FAM76B: variants seen among roughly 807,000 people sequenced by gnomAD.
FAM76B encodes the protein family with sequence similarity 76 member B.
A neutral mutation model predicts 51.8 loss-of-function variants in FAM76B; 16 were observed. The observed-to-expected ratio is 0.31, with a 90% CI of 0.21 to 0.47. The LOEUF (loss-of-function observed/expected upper bound fraction) is 0.47, where lower values mean the gene tolerates loss of function less well. Among genes scored for constraint, FAM76B ranks in the 20% least tolerant of loss-of-function variants. FAM76B has a pLI of 1.00. For synonymous variants in FAM76B, 166 were observed against 129.5 expected, an observed-to-expected ratio of 1.28 and a Z score of -1.91; for missense variants, 342 against 392.6, an observed-to-expected ratio of 0.87 and a Z score of 1.09.
intron 3 of FAM76B, among the ~76,000 whole-genome samples, chr11:95,787,117 T>C (rs1860636561): frequency 6.6e-6 from 1 of 152,236 alleles, no homozygotes; most frequent in African/African-American, 2.4e-5. Flanking sequence ...CTGGATTCAA[T>C]ACATGTAAAA....
intron 8 of FAM76B, 121 bp from the exon 9 acceptor site, chr11:95,776,144 T>G: frequency 2.1e-6 from 1 of 472,932 alleles, no homozygotes; most frequent in Non-Finnish European, 3.6e-6. Context: ...TAACTGCAGT[T>G]TCCTGAATTG....
At chr11:95,781,552 C>G (rs1205835561) in intron 5 of FAM76B, among the ~76,000 whole-genome samples, 1 of 152,056 alleles carries the variant, frequency 6.6e-6, no homozygotes, top group Non-Finnish European at 1.5e-5. Flanking sequence ...CAAACATAAT[C>G]TGATTGTGTC....
intron 1 of FAM76B, chr11:95,789,086 G>A: frequency 1.4e-6 from 2 of 1,411,686 alleles, no homozygotes; most frequent in African/African-American, 2.9e-5. Flanking sequence ...TCCACCCCTG[G>A]GTCTCTGCGG....
rs968828685 is a variant in FAM76B, at chr11:95,789,733, G to A, written c.-255C>T. The A allele has an allele frequency of 1.9e-5, 9 of 475,620 alleles. No individual in the cohort carries two copies. Among genetic ancestry groups the A allele is most frequent in the African/African-American group, 1.0e-4 (5 of 48,218 alleles). 29.5% of individuals were successfully genotyped at this position (475,620 alleles called of 1,614,324 possible). A position where few individuals can be genotyped will look rare whatever the true frequency, so the allele number is the denominator to read the frequency against. On this transcript the variant is annotated 5_prime_UTR_variant, in exon 1 of 10. Coordinates refer to ENST00000358780, the MANE Select transcript of FAM76B (RefSeq NM_144664.5). ...CGCTTAGGCCCCGATAGCGGCGGAG[G>A]GAGACGAAGCGGGTAGGGGGTTGCT...
chr11:95,786,260 C>T lies in FAM76B; in HGVS notation c.222G>A (p.Gln74=), dbSNP rs780162796. Residue 74 remains glutamine (Q), a synonymous_variant, in exon 4 of 10, where the codon CAG becomes CAA. Coordinates refer to ENST00000358780, the MANE Select transcript of FAM76B (RefSeq NM_144664.5). The stretch of plus-strand genomic sequence containing the variant: ...TAAATGCTGCAATTATGTTACAGTA[C>T]TGACAAGGCTTGGGCTGAAAAACAT... ...VKQFGTPKPC[Q]YCNIIAAFIG... is the part of the protein sequence containing the mutation. 3 of 1,613,612 alleles carry T rather than the reference C, an allele frequency of 1.9e-6. No homozygotes were observed. The highest frequency in any genetic ancestry group is 2.5e-6 in the Non-Finnish European group (3 of 1,179,900).
chr11:95,788,683 A>C (rs1004264658), intron 1 of FAM76B, 120 bp from the exon 2 acceptor site: 4 of 1,221,706 alleles, frequency 3.3e-6, no homozygotes, highest in Non-Finnish European at 4.5e-6. Context: ...CCTGGCCCCA[A>C]CGTAAAGAAC....
At chr11:95,782,749 C>A (rs1860342320) in intron 5 of FAM76B, among the ~76,000 whole-genome samples, 1 of 151,796 alleles carries the variant, frequency 6.6e-6, no homozygotes, top group Non-Finnish European at 1.5e-5. Context: ...ATTATTTAAA[C>A]AAAAAAAGAA....
chr11:95,776,056 T>TTTTTTC, intron 8 of FAM76B, 33 bp from the exon 9 acceptor site: 2 of 1,251,264 alleles, frequency 1.6e-6, no homozygotes, highest in Non-Finnish European at 2.2e-6. Flanking sequence ...TATGTATATA[T>TTTTTTC]TTGCACACAT....
intron 8 of FAM76B, among the ~76,000 whole-genome samples, chr11:95,776,857 T>TA (rs1258160686): frequency 1.3e-5 from 2 of 151,380 alleles, no homozygotes; most frequent in African/African-American, 4.8e-5. Flanking sequence ...CCTTTGTAAT[T>TA]ACCCAGTATC....
At position 95,769,020 on chromosome 11, in the gene FAM76B, T is replaced by A. The variant is rs1380767085; in HGVS notation, c.*2541A>T. The A allele has an allele frequency of 6.6e-6, 1 of 152,440 alleles. No homozygotes were observed. Among genetic ancestry groups the A allele is most frequent in the Non-Finnish European group, 1.5e-5 (1 of 67,914 alleles). 9.4% of individuals were successfully genotyped at this position (152,440 alleles called of 1,614,324 possible). A position where few individuals can be genotyped will look rare whatever the true frequency, so the allele number is the denominator to read the frequency against. On this transcript the variant is annotated 3_prime_UTR_variant, in exon 10 of 10. Coordinates refer to ENST00000358780, the MANE Select transcript of FAM76B (RefSeq NM_144664.5). The stretch of plus-strand genomic sequence containing the variant: ...AAAGTACAAAATGTCAACAGTCAGA[T>A]GTGTACAAGTACAGTATTTCAATAG...
intron 5 of FAM76B, among the ~76,000 whole-genome samples, chr11:95,781,463 T>C (rs1468748394): frequency 6.6e-6 from 1 of 152,178 alleles, no homozygotes; most frequent in Non-Finnish European, 1.5e-5. Flanking sequence ...TCATTTTCAA[T>C]ACTGTTCTCT....
At chr11:95,788,356 G>GTA (rs1860720110) in intron 2 of FAM76B, 143 bp downstream of exon 2, 1 of 669,342 alleles carries the variant, frequency 1.5e-6, no homozygotes. Flanking sequence ...CTCCCACCAT[G>GTA]TATAAAAGGT....
rs1426976471 is a variant in FAM76B at position 95,783,228 on chromosome 11, A to G, written c.400T>C (p.Ser134Pro). ...GKLLCWLCTL[S>P]YKRVLQKTKE... The stretch of plus-strand genomic sequence containing the variant: ...GTCTTCTGTAAAACTCTTTTGTACG[A>G]TAAAGTACAGAGCCAGCATAATAAC... The change falls in exon 5 of 10, where the codon TCG becomes CCG. Residue 134 changes from serine to proline, a missense_variant. Physicochemically the swap from Ser to Pro is moderately conservative, Grantham distance 74 (BLOSUM62 -1). Coordinates refer to ENST00000358780, the MANE Select transcript of FAM76B (RefSeq NM_144664.5). The G allele has an allele frequency of 6.2e-7, 1 of 1,613,436 alleles. No individual in the cohort carries two copies. The highest frequency in any genetic ancestry group is 2.2e-5 in the East Asian group (1 of 44,874).
intron 8 of FAM76B, among the ~76,000 whole-genome samples, chr11:95,777,754 T>C (rs916374709): frequency 1.3e-5 from 2 of 151,394 alleles, no homozygotes; most frequent in Non-Finnish European, 3.0e-5. Flanking sequence ...GTATCAAAAA[T>C]TACTGAATGC....
chr11:95,787,174 A>G (rs1241717392), intron 3 of FAM76B, among the ~76,000 whole-genome samples: 2 of 152,222 alleles, frequency 1.3e-5, no homozygotes, highest in African/African-American at 4.8e-5. Flanking sequence ...CTTTCCATCA[A>G]AGTATCTATA....
In FAM76B at chr11:95,788,755, CTT is replaced by C. The variant is rs1860761624; in HGVS notation, c.88-194_88-193del. 11 of 1,377,768 alleles carry C rather than the reference CTT, an allele frequency of 8.0e-6. 1 individual carries two copies. The East Asian group carries it at 1.3e-4, about 16-fold the overall frequency. The allele number at this position is 1,377,768 out of a possible 1,614,324, so 85.3% of individuals were successfully genotyped here. A position where few individuals can be genotyped will look rare whatever the true frequency, so the allele number is the denominator to read the frequency against. On this transcript the variant is annotated intron_variant, in intron 1 of 9. Transcript: ENST00000358780. ...AATTCCTTAGGGAAGGCACAGGTGTCTTTGTCTTTAGTAGACGTGGGGGTATA... is the reference window on the plus strand; with the variant it reads ...AATTCCTTAGGGAAGGCACAGGTGTCTGTCTTTAGTAGACGTGGGGGTATA...
At chr11:95,773,781 A>G (rs1214802885) in intron 9 of FAM76B, among the ~76,000 whole-genome samples, 3 of 151,352 alleles carry the variant, frequency 2.0e-5, no homozygotes, top group African/African-American at 4.8e-5. Flanking sequence ...AATTAAGTGA[A>G]TAAGAGTTTT....
At chr11:95,781,274 T>C (rs925521715) in intron 5 of FAM76B, among the ~76,000 whole-genome samples, 3 of 152,034 alleles carry the variant, frequency 2.0e-5, no homozygotes, top group African/African-American at 7.2e-5. Flanking sequence ...GGCAACCACA[T>C]CCCCTACCCC....
intron 4 of FAM76B, 138 bp downstream of exon 4, chr11:95,785,981 C>G (rs1423345352): frequency 1.0e-6 from 1 of 987,682 alleles, no homozygotes; most frequent in African/African-American, 1.6e-5. Flanking sequence ...ACTCACTATT[C>G]CTGCACTTTC....
Sources: gnomAD v4.1 joint callset for allele counts (sites outside exome capture counted in the v4.1 genomes callset) on GRCh38, gnomAD v4.1.1 for gene constraint, MANE v1.5 for transcripts, NCBI Gene and HGNC (gene_info 2026-07-23, HGNC 2026-07-21) for gene names.